DNAI7: variants seen among roughly 807,000 people sequenced by gnomAD.
DNAI7 encodes dynein axonemal intermediate chain 7.
A neutral mutation model predicts 86.6 loss-of-function variants in DNAI7; 78 were observed. That is an observed-to-expected ratio of 0.90 (90% CI 0.75 to 1.09). The LOEUF (loss-of-function observed/expected upper bound fraction) is 1.09, where lower values mean the gene tolerates loss of function less well. Among genes scored for constraint, DNAI7 ranks in the 50% least tolerant of loss-of-function variants. The probability of loss-of-function intolerance (pLI) is 0.00; values close to 1 mark genes in which losing one functional copy is unlikely to be tolerated. For synonymous variants in DNAI7, 274 were observed against 273.0 expected (o/e 1.00, Z -0.04); for missense variants, 753 against 810.2 (o/e 0.93, Z 0.86).
chr12:25,174,323 A>C (rs945611168), intron 2 of DNAI7, among the ~76,000 whole-genome samples: 2 of 137,220 alleles, frequency 1.5e-5, no homozygotes, highest in Non-Finnish European at 3.1e-5. Flanking sequence ...TTGCATTTGC[A>C]TTTGTATCAT....
At chr12:25,143,414 A>G (rs1011812482) in intron 9 of DNAI7, among the ~76,000 whole-genome samples, 3 of 151,342 alleles carry the variant, frequency 2.0e-5, no homozygotes, top group African/African-American at 7.3e-5. Context: ...ACGCCCGGCT[A>G]ATTTTCTGTA....
intron 15 of DNAI7, among the ~76,000 whole-genome samples, chr12:25,109,164 G>C (rs1338315480): frequency 6.6e-6 from 1 of 152,108 alleles, no homozygotes; most frequent in African/African-American, 2.4e-5. Context: ...CAACAACAAA[G>C]CCCTGCCCTC....
intron 4 of DNAI7, among the ~76,000 whole-genome samples, chr12:25,156,905 C>T (rs900418031): frequency 6.6e-6 from 1 of 152,132 alleles, no homozygotes; most frequent in Non-Finnish European, 1.5e-5. Context: ...TGTATGAAAA[C>T]AAGATCTGTT....
Position 25,144,359 on chromosome 12 carries a change from T to C in DNAI7, c.1002+6A>G. Reference sequence around the variant, plus strand: ...AAAAAAATGTGTATATTTAAATGTGTCCTACCATTTTCACTTCAATATCAC... The same window carrying C: ...AAAAAAATGTGTATATTTAAATGTGCCCTACCATTTTCACTTCAATATCAC... On this transcript the variant is annotated splice_donor_region_variant and intron_variant, in intron 9 of 15. Coordinates refer to ENST00000395987, the MANE Select transcript of DNAI7 (RefSeq NM_018272.5). 6.2e-7 allele frequency: 1 copy of C among 1,604,626 alleles called. No individual in the cohort carries two copies. The highest frequency in any genetic ancestry group is 8.5e-7 in the Non-Finnish European group (1 of 1,172,470).
At chr12:25,181,762 C>A (rs1365977893) in intron 2 of DNAI7, among the ~76,000 whole-genome samples, 1 of 151,800 alleles carries the variant, frequency 6.6e-6, no homozygotes, top group African/African-American at 2.4e-5. Flanking sequence ...AGTGGCAACA[C>A]ACATGAACAA....
At chr12:25,112,913 TACC>T (rs1369206798) in intron 13 of DNAI7, among the ~76,000 whole-genome samples, 4 of 152,202 alleles carry the variant, frequency 2.6e-5, no homozygotes, top group Non-Finnish European at 4.4e-5. Flanking sequence ...GGCTGGTAGC[TACC>T]ACATTAGACA....
intron 2 of DNAI7, among the ~76,000 whole-genome samples, chr12:25,163,463 G>A (rs1410087998): frequency 2.0e-5 from 3 of 152,078 alleles, no homozygotes; most frequent in Non-Finnish European, 2.9e-5. Context: ...CCTCTTTGAC[G>A]GTGATTTTCC....
chr12:25,168,299 A>G (rs934992557), intron 2 of DNAI7, among the ~76,000 whole-genome samples: 2 of 152,168 alleles, frequency 1.3e-5, no homozygotes, highest in African/African-American at 4.8e-5. Flanking sequence ...CCTTACTCCC[A>G]AAATTCAATT....
At chr12:25,139,618 T>C (rs905779580) in intron 9 of DNAI7, among the ~76,000 whole-genome samples, 1 of 152,138 alleles carries the variant, frequency 6.6e-6, no homozygotes, top group Non-Finnish European at 1.5e-5. Flanking sequence ...AAACACTGCA[T>C]GTTCTCACTC....
intron 8 of DNAI7, among the ~76,000 whole-genome samples, 190 bp downstream of exon 8, chr12:25,146,811 C>T (rs1019374659): frequency 6.6e-6 from 1 of 152,170 alleles, no homozygotes; most frequent in Non-Finnish European, 1.5e-5. Flanking sequence ...TGATGATATA[C>T]TGAAGCTCAA....
intron 9 of DNAI7, among the ~76,000 whole-genome samples, chr12:25,124,631 T>C (rs1434541040): frequency 2.0e-5 from 3 of 152,154 alleles, no homozygotes; most frequent in Non-Finnish European, 4.4e-5. Context: ...TTTTTAACTT[T>C]TATTTTAGGT....
intron 2 of DNAI7, among the ~76,000 whole-genome samples, chr12:25,175,265 A>G (rs944809028): frequency 1.3e-5 from 2 of 152,158 alleles, no homozygotes; most frequent in Non-Finnish European, 2.9e-5. Flanking sequence ...AAAAAATAGA[A>G]GTTTTCAGAA....
intron 4 of DNAI7, among the ~76,000 whole-genome samples, chr12:25,157,945 G>A (rs1414764178): frequency 6.6e-6 from 1 of 151,618 alleles, no homozygotes; most frequent in Non-Finnish European, 1.5e-5. Flanking sequence ...TCTAAGTCTT[G>A]GCAGCCAGGC....
Position 25,144,432 on chromosome 12 carries a change from C to G in DNAI7, c.935G>C (p.Gly312Ala), listed in dbSNP as rs758643985. 1.2e-6 allele frequency: 2 copies of G among 1,614,028 alleles called. No individual in the cohort carries two copies. Among genetic ancestry groups the G allele is most frequent in the East Asian group, 4.5e-5 (2 of 44,880 alleles). The stretch of plus-strand genomic sequence containing the variant: ...TTCTTCCTCCTGAATTAAGTGAGAC[C>G]CTCTTTCTTGTTGTTTGGACTCTTC... ...VEEESKQQER[G>A]SHLIQEEEIK... Residue 312 changes from glycine to alanine, a missense_variant, in exon 9 of 16, where the codon GGG becomes GCG. Gly to Ala is a moderately conservative substitution (Grantham distance 60). Transcript: ENST00000395987.
chr12:25,182,033 ATTT>A (rs36047649), intron 2 of DNAI7, among the ~76,000 whole-genome samples: 18 of 147,268 alleles, frequency 1.2e-4, no homozygotes, highest in African/African-American at 3.7e-4. Flanking sequence ...AAGAAAAGAA[ATTT>A]TTTTTTTTTT....
chr12:25,170,692 A>T (rs1006956749), intron 2 of DNAI7, among the ~76,000 whole-genome samples: 4 of 152,224 alleles, frequency 2.6e-5, no homozygotes, highest in African/African-American at 9.7e-5. Context: ...ATTCAACAGC[A>T]CATGGAACTT....
At chr12:25,126,642 AAAGG>A (rs1942173945) in intron 9 of DNAI7, among the ~76,000 whole-genome samples, 1 of 152,214 alleles carries the variant, frequency 6.6e-6, no homozygotes, top group Non-Finnish European at 1.5e-5. Flanking sequence ...AGAAAAAAGA[AAAGG>A]AAGAGGAAGG....
At chr12:25,120,208 A>G (rs150527936) in intron 11 of DNAI7, among the ~76,000 whole-genome samples, 197 of 152,022 alleles carry the variant, frequency 1.3e-3, no homozygotes, top group African/African-American at 4.3e-3. Context: ...AAAAACAAGA[A>G]TGCACCAAGG....
chr12:25,121,958 G>A (rs1228944212), intron 10 of DNAI7, 45 bp from the exon 11 acceptor site: 2 of 1,331,258 alleles, frequency 1.5e-6, no homozygotes, highest in Non-Finnish European at 2.0e-6. Flanking sequence ...TTACAGTTTA[G>A]TATGTTCTTA....
Sources: allele counts gnomAD v4.1 joint callset (sites outside exome capture counted in the v4.1 genomes callset), GRCh38; gene constraint gnomAD v4.1.1; transcripts MANE v1.5; gene names NCBI Gene and HGNC (gene_info 2026-07-23, HGNC 2026-07-21).